The following E2F7 variants were observed in gnomAD, a reference collection of about 807,000 sequenced individuals.
The protein encoded by E2F7 is transcription factor E2F7.
In E2F7, 35 loss-of-function variants were observed where a neutral mutation model predicts 81.1. The ratio of observed to expected loss-of-function variants is 0.43; its 90% confidence interval spans 0.33 to 0.57. The LOEUF (loss-of-function observed/expected upper bound fraction) is 0.57. Among genes scored for constraint, E2F7 ranks in the 20% least tolerant of loss-of-function variants. E2F7 has a pLI of 0.04. For synonymous variants in E2F7, 416 were observed against 416.2 expected, an observed-to-expected ratio of 1.00 and a Z score of 0.01; for missense variants, 961 against 1,093.7, an observed-to-expected ratio of 0.88 and a Z score of 1.71.
chr12:77,064,632 C>T lies in E2F7; in HGVS notation c.4G>A (p.Glu2Lys), dbSNP rs745653117. ...TCTTTTAGTGTTAAACAATTTACCT[C>T]CATCTGTAATGCACAATTACACTAG... M[E>K]VNCLTLKDLI... The change falls in exon 2 of 13, where the codon GAG becomes AAG. Residue 2 changes from glutamate (E) to lysine (K), a missense_variant. By Grantham distance (56) the Glu-to-Lys change is moderately conservative. Transcript: ENST00000322886. 17 of 1,612,994 alleles carry T rather than the reference C, an allele frequency of 1.1e-5. No individual in the cohort carries two copies. The highest frequency in any genetic ancestry group is 1.6e-4 in the Middle Eastern group (1 of 6,062).
chr12:77,051,648 TA>T (rs1184061483), intron 3 of E2F7, among the ~76,000 whole-genome samples: 4 of 152,024 alleles, frequency 2.6e-5, no homozygotes, highest in Non-Finnish European at 4.4e-5. Flanking sequence ...AAAATACAAT[TA>T]AAAAAACCTA....
intron 2 of E2F7, among the ~76,000 whole-genome samples, chr12:77,061,293 C>A (rs1348500962): frequency 1.3e-5 from 2 of 152,160 alleles, no homozygotes; most frequent in African/African-American, 4.8e-5. Context: ...CAAACATATT[C>A]CAAACTGAAC....
At chr12:77,024,500 C>T (rs1006428548) in intron 12 of E2F7, among the ~76,000 whole-genome samples, 23 of 152,076 alleles carry the variant, frequency 1.5e-4, no homozygotes, top group African/African-American at 4.6e-4. Flanking sequence ...CTCCATCCAA[C>T]GGCGATGGTA....
At chr12:77,045,848 T>A (rs934755944) in intron 5 of E2F7, 190 bp downstream of exon 5, 2 of 677,222 alleles carry the variant, frequency 3.0e-6, no homozygotes, top group Non-Finnish European at 4.8e-6. Context: ...GAGCCAGGTT[T>A]ATTTCAATGA....
chr12:77,036,650 T>A (rs1328737949), intron 7 of E2F7, among the ~76,000 whole-genome samples: 2 of 152,090 alleles, frequency 1.3e-5, no homozygotes, highest in African/African-American at 4.8e-5. Flanking sequence ...GGGCTCGAAC[T>A]CCTGGGCTCA....
At chr12:77,029,759 A>G in intron 10 of E2F7, 72 bp downstream of exon 10, 1 of 1,568,914 alleles carries the variant, frequency 6.4e-7, no homozygotes, top group Admixed American at 1.8e-5. Context: ...TATTAATATC[A>G]GTGTATCTTC....
intron 2 of E2F7, among the ~76,000 whole-genome samples, chr12:77,058,003 G>A (rs941051256): frequency 6.6e-6 from 1 of 152,144 alleles, no homozygotes; most frequent in African/African-American, 2.4e-5. Context: ...GTGTAGGCAA[G>A]GCAACTCTTG....
intron 4 of E2F7, among the ~76,000 whole-genome samples, chr12:77,046,766 A>T (rs920134940): frequency 2.0e-5 from 3 of 152,238 alleles, no homozygotes; most frequent in Non-Finnish European, 4.4e-5. Context: ...ACTGTGTCCA[A>T]TAACTGACAC....
At position 77,030,342 on chromosome 12, in the gene E2F7, A is replaced by G; in HGVS notation, c.1383-10T>C. On this transcript the variant is annotated splice_polypyrimidine_tract_variant and intron_variant, in intron 9 of 12. Transcript: ENST00000322886. ...GGCAAAGGCTTTTCCCCTATAATAA[A>G]AAAGAAACGTAACGAAGTTAGCACA... The G allele has an allele frequency of 3.3e-6, 5 of 1,522,306 alleles. No individual in the cohort carries two copies. The highest frequency in any genetic ancestry group is 4.4e-6 in the Non-Finnish European group (5 of 1,136,518). 94.3% of individuals were successfully genotyped at this position (1,522,306 alleles called of 1,614,324 possible).
chr12:77,051,764 T>C (rs1017203464), intron 3 of E2F7, among the ~76,000 whole-genome samples: 5 of 152,214 alleles, frequency 3.3e-5, no homozygotes, highest in African/African-American at 1.2e-4. Flanking sequence ...GGAAACAATA[T>C]GGATGCCCAT....
At chr12:77,038,726 CAAAGTT>C (rs1954873064) in intron 7 of E2F7, among the ~76,000 whole-genome samples, 2 of 152,000 alleles carry the variant, frequency 1.3e-5, no homozygotes, top group South Asian at 4.2e-4. Flanking sequence ...AAAGTTAACT[CAAAGTT>C]AAAGGAGCTA....
At chr12:77,032,380 C>T (rs946478206) in intron 9 of E2F7, among the ~76,000 whole-genome samples, 3 of 152,224 alleles carry the variant, frequency 2.0e-5, no homozygotes, top group Non-Finnish European at 2.9e-5. Flanking sequence ...GCTTTGGTAT[C>T]TTCTGCTCCC....
intron 12 of E2F7, 90 bp downstream of exon 12, chr12:77,025,468 T>C (rs368795481): frequency 5.5e-6 from 8 of 1,448,182 alleles, no homozygotes; most frequent in East Asian, 4.6e-5. Flanking sequence ...CTAGTGCCTC[T>C]GTCCGGCAGT....
intron 2 of E2F7, 67 bp from the exon 3 acceptor site, chr12:77,056,197 T>C (rs2120744957): frequency 1.4e-6 from 2 of 1,443,088 alleles, no homozygotes; most frequent in Non-Finnish European, 1.9e-6. Context: ...GTATACTTTG[T>C]TCCCACCATT....
At chr12:77,035,120 T>C (rs1202290024) in intron 7 of E2F7, among the ~76,000 whole-genome samples, 1 of 152,150 alleles carries the variant, frequency 6.6e-6, no homozygotes, top group Non-Finnish European at 1.5e-5. Context: ...AGCTCTATAA[T>C]GATTTTTGCT....
At position 77,043,046 on chromosome 12, in the gene E2F7, C is replaced by A. The variant is rs1437053785; in HGVS notation, c.1123+19G>T. The A allele has an allele frequency of 6.2e-7, 1 of 1,613,894 alleles. No individual in the cohort carries two copies. Among genetic ancestry groups the A allele is most frequent in the Non-Finnish European group, 8.5e-7 (1 of 1,179,824 alleles). On this transcript the variant is annotated intron_variant, in intron 7 of 12. Coordinates refer to ENST00000322886, the MANE Select transcript of E2F7 (RefSeq NM_203394.3). ...AATTCTAAATAAAACAGCCTGCTAG[C>A]AAAACCACGCCACCTTACCACTTGA... is the stretch of plus-strand genomic sequence containing the variant.
At chr12:77,042,232 C>A (rs1165429932) in intron 7 of E2F7, among the ~76,000 whole-genome samples, 1 of 152,228 alleles carries the variant, frequency 6.6e-6, no homozygotes, top group Non-Finnish European at 1.5e-5. Context: ...ACAGTCCACA[C>A]TCAGTGCATA....
chr12:77,048,566 T>C (rs888214463), intron 4 of E2F7, among the ~76,000 whole-genome samples: 15 of 152,188 alleles, frequency 9.9e-5, no homozygotes, highest in Non-Finnish European at 1.8e-4. Context: ...CTTAGTTAAA[T>C]ACAGTCCTGC....
rs1443979364 is a variant in E2F7 at position 77,050,507 on chromosome 12, G to T, written c.538+69C>A. 5.1e-6 allele frequency: 8 copies of T among 1,556,572 alleles called. No homozygotes were observed. In the Admixed American group the frequency reaches 1.4e-4, roughly 27 times the overall value. On this transcript the variant is annotated intron_variant, in intron 4 of 12. Coordinates refer to ENST00000322886, the MANE Select transcript of E2F7 (RefSeq NM_203394.3). ...GGGCCCACTCTACTTCAAGCCTTCA[G>T]CCTGCCCAAGGAAACCAGTTTCCCA...
Sources: allele counts gnomAD v4.1 joint callset (sites outside exome capture counted in the v4.1 genomes callset), GRCh38; gene constraint gnomAD v4.1.1; transcripts MANE v1.5; gene names NCBI Gene and HGNC (gene_info 2026-07-23, HGNC 2026-07-21).